Variants in PDZRN4 observed in about 807,000 individuals in gnomAD.
PDZRN4 encodes the protein PDZ domain containing ring finger 4.
Under a neutral mutation model 99.0 loss-of-function variants are expected in PDZRN4, and 70 were observed. The ratio of observed to expected loss-of-function variants is 0.71; its 90% confidence interval spans 0.58 to 0.86. PDZRN4 has a LOEUF of 0.86. PDZRN4 is among the 40% of genes least tolerant of loss of function. The pLI is 0.00. For missense variants in PDZRN4, 1,474 were observed against 1,331.2 expected, an observed-to-expected ratio of 1.11 and a Z score of -1.67; for synonymous variants, 551 against 501.6, an observed-to-expected ratio of 1.10 and a Z score of -1.32.
At chr12:41,279,438 A>T (rs530931856) in intron 3 of PDZRN4, among the ~76,000 whole-genome samples, 1 of 152,358 alleles carries the variant, frequency 6.6e-6, no homozygotes, top group South Asian at 2.1e-4. Context: ...GAGAAGCAGC[A>T]TCTTCATTTT....
intron 3 of PDZRN4, among the ~76,000 whole-genome samples, chr12:41,475,272 G>T (rs1953030141): frequency 6.6e-6 from 1 of 152,052 alleles, no homozygotes; most frequent in African/African-American, 2.4e-5. Context: ...GAAAAATGAG[G>T]ACCAGGTATC....
rs188922185 is a variant in PDZRN4, at chr12:41,263,807, A to T, written c.843+69619A>T. 1.0e-3 allele frequency among the ~76,000 whole-genome samples: 158 copies of T among 152,278 alleles called. 1 individual carries two copies. The highest frequency in any genetic ancestry group is 3.7e-3 in the African/African-American group (154 of 41,574). On this transcript the variant is annotated intron_variant, in intron 3 of 9. Coordinates refer to ENST00000402685, the MANE Select transcript of PDZRN4 (RefSeq NM_001164595.2). ...AAATTTAAAAGCAAGTTACTAGTAT[A>T]AACTATACAATAAAATATTTATCAT...
At chr12:41,382,697 TA>T (rs1441852806) in intron 3 of PDZRN4, among the ~76,000 whole-genome samples, 4 of 152,156 alleles carry the variant, frequency 2.6e-5, no homozygotes, top group African/African-American at 9.7e-5. Flanking sequence ...GAAGGCTGGG[TA>T]AAGACATGGA....
chr12:41,439,607 C>T (rs1438844956), intron 3 of PDZRN4, among the ~76,000 whole-genome samples: 1 of 152,082 alleles, frequency 6.6e-6, no homozygotes, highest in Non-Finnish European at 1.5e-5. Context: ...AAGCAGGAGC[C>T]TTTGTTATGG....
chr12:41,546,736 G>A (rs1016651347), intron 5 of PDZRN4, among the ~76,000 whole-genome samples: 26 of 152,228 alleles, frequency 1.7e-4, no homozygotes, highest in African/African-American at 6.0e-4. Context: ...TTGACAGTGA[G>A]AAGGGGAAGG....
At chr12:41,394,509 T>C (rs1952232374) in intron 3 of PDZRN4, among the ~76,000 whole-genome samples, 1 of 152,182 alleles carries the variant, frequency 6.6e-6, no homozygotes, top group Non-Finnish European at 1.5e-5. Flanking sequence ...CAAACATTGT[T>C]ATCTCATGTT....
intron 3 of PDZRN4, among the ~76,000 whole-genome samples, chr12:41,469,083 T>C (rs1220825189): frequency 1.3e-5 from 2 of 152,324 alleles, no homozygotes; most frequent in Middle Eastern, 3.4e-3. Flanking sequence ...AGGAGGTTAC[T>C]GTGTGGTACT....
At chr12:41,247,689 T>C (rs2120800674) in intron 3 of PDZRN4, among the ~76,000 whole-genome samples, 1 of 152,324 alleles carries the variant, frequency 6.6e-6, no homozygotes, top group Admixed American at 6.5e-5. Context: ...TACCTTGATG[T>C]AACAATTTTT....
chr12:41,476,792 C>G (rs1953046832), intron 3 of PDZRN4, among the ~76,000 whole-genome samples: 1 of 152,188 alleles, frequency 6.6e-6, no homozygotes, highest in Non-Finnish European at 1.5e-5. Context: ...CTGGCGGCCT[C>G]GATCTCCAAT....
chr12:41,251,833 A>G (rs1305514665), intron 3 of PDZRN4, among the ~76,000 whole-genome samples: 1 of 152,170 alleles, frequency 6.6e-6, no homozygotes, highest in Non-Finnish European at 1.5e-5. Flanking sequence ...ATTTAAAATA[A>G]GGCGAGGCAT....
At chr12:41,220,370 C>G (rs1404445157) in intron 3 of PDZRN4, among the ~76,000 whole-genome samples, 1 of 151,992 alleles carries the variant, frequency 6.6e-6, no homozygotes, top group Non-Finnish European at 1.5e-5. Flanking sequence ...TAGAGATCAC[C>G]CTGATGGCCT....
intron 3 of PDZRN4, among the ~76,000 whole-genome samples, chr12:41,421,312 C>G (rs1952488117): frequency 6.6e-6 from 1 of 152,082 alleles, no homozygotes; most frequent in Non-Finnish European, 1.5e-5. Context: ...GATTCTCCTG[C>G]CTCAACTTCC....
At chr12:41,437,280 T>A (rs1047887162) in intron 3 of PDZRN4, among the ~76,000 whole-genome samples, 6 of 152,198 alleles carry the variant, frequency 3.9e-5, no homozygotes, top group African/African-American at 7.2e-5. Flanking sequence ...GTTTATTTTA[T>A]AAATGTAAAT....
chr12:41,559,766 C>T (rs1266778542), intron 7 of PDZRN4, among the ~76,000 whole-genome samples: 1 of 152,114 alleles, frequency 6.6e-6, no homozygotes, highest in African/African-American at 2.4e-5. Context: ...CCCATAATCC[C>T]TATGTGTGGT....
chr12:41,247,888 A>C (rs1034020891), intron 3 of PDZRN4, among the ~76,000 whole-genome samples: 1 of 152,222 alleles, frequency 6.6e-6, no homozygotes, highest in Non-Finnish European at 1.5e-5. Context: ...AAGTTAATAT[A>C]CTTGGGACAT....
chr12:41,548,022 G>C (rs1334498709), intron 5 of PDZRN4, among the ~76,000 whole-genome samples: 1 of 152,196 alleles, frequency 6.6e-6, no homozygotes, highest in African/African-American at 2.4e-5. Flanking sequence ...CAAATAAACA[G>C]GCGGGGTTAA....
rs986154550 is a variant in PDZRN4 at position 41,249,597 on chromosome 12, G to A, written c.843+55409G>A. Among the ~76,000 whole-genome samples the A allele has an allele frequency of 4.6e-5, 7 of 152,172 alleles. 1 individual carries two copies. The South Asian group carries it at 8.3e-4, about 18-fold the overall frequency. ...TGACAGGAACATAATTGTGATGCCCGGAATACACCATTCCCTTGCTATTGC... is the reference window on the plus strand; with the variant it reads ...TGACAGGAACATAATTGTGATGCCCAGAATACACCATTCCCTTGCTATTGC... On this transcript the variant is annotated intron_variant, in intron 3 of 9. Transcript: ENST00000402685.
chr12:41,400,386 C>T (rs1952281276), intron 3 of PDZRN4, among the ~76,000 whole-genome samples: 1 of 152,124 alleles, frequency 6.6e-6, no homozygotes, highest in Non-Finnish European at 1.5e-5. Flanking sequence ...TAATATTCTT[C>T]TGATGGGGCT....
intron 3 of PDZRN4, among the ~76,000 whole-genome samples, chr12:41,369,870 A>G (rs1265434021): frequency 6.6e-6 from 1 of 151,886 alleles, no homozygotes; most frequent in African/African-American, 2.4e-5. Context: ...CTTCTATACC[A>G]GATTAATCAA....
Sources: allele counts gnomAD v4.1 joint callset (sites outside exome capture counted in the v4.1 genomes callset), GRCh38; gene constraint gnomAD v4.1.1; transcripts MANE v1.5; gene names NCBI Gene and HGNC (gene_info 2026-07-23, HGNC 2026-07-21).